The following RIMS1 variants were observed in gnomAD, a reference collection of about 807,000 sequenced individuals.
The protein encoded by RIMS1 is regulating synaptic membrane exocytosis protein 1.
A neutral mutation model predicts 214.1 loss-of-function variants in RIMS1; 83 were observed. The observed-to-expected ratio is 0.39, with a 90% CI of 0.32 to 0.47. The LOEUF is 0.47. RIMS1 is among the 20% of genes least tolerant of loss of function. The probability of loss-of-function intolerance (pLI) is 0.99; values close to 1 mark genes in which losing one functional copy is unlikely to be tolerated. For synonymous variants in RIMS1, 793 were observed against 786.8 expected, an observed-to-expected ratio of 1.01 and a Z score of -0.13; for missense variants, 2,050 against 2,161.8, an observed-to-expected ratio of 0.95 and a Z score of 1.03.
At chr6:72,182,169 C>T (rs1003514673) in intron 5 of RIMS1, 115 bp from the exon 6 acceptor site, 1 of 1,167,662 alleles carries the variant, frequency 8.6e-7, no homozygotes, top group Non-Finnish European at 1.2e-6. Flanking sequence ...AGATCCAAAT[C>T]CCTATAACTA....
intron 1 of RIMS1, among the ~76,000 whole-genome samples, chr6:71,895,673 CAAAAAAAAA>C (rs70994105): frequency 4.7e-5 from 3 of 64,222 alleles, no homozygotes; most frequent in African/African-American, 6.4e-5. Context: ...GACTCCCTCT[CAAAAAAAAA>C]AAAAAAAAAA....
At chr6:72,098,505 G>A (rs796276669) in intron 3 of RIMS1, among the ~76,000 whole-genome samples, 26 of 152,122 alleles carry the variant, frequency 1.7e-4, no homozygotes, top group African/African-American at 6.0e-4. Flanking sequence ...ATGTTGACCA[G>A]GCTGATCTCG....
chr6:71,921,716 A>G (rs1377259547), intron 1 of RIMS1, among the ~76,000 whole-genome samples: 1 of 152,176 alleles, frequency 6.6e-6, no homozygotes, highest in Non-Finnish European at 1.5e-5. Flanking sequence ...TATATATAGC[A>G]TACTTCCTCT....
chr6:72,129,036 T>C (rs2040038764), intron 4 of RIMS1, among the ~76,000 whole-genome samples: 1 of 152,212 alleles, frequency 6.6e-6, no homozygotes, highest in African/African-American at 2.4e-5. Context: ...CTTTAACAAA[T>C]TTTACAGATG....
intron 1 of RIMS1, among the ~76,000 whole-genome samples, chr6:71,887,714 T>A (rs944342276): frequency 6.6e-6 from 1 of 152,208 alleles, no homozygotes; most frequent in Non-Finnish European, 1.5e-5. Context: ...TAATCATTCA[T>A]CTCACAGATC....
At chr6:72,052,769 G>A (rs1562208914) in intron 2 of RIMS1, among the ~76,000 whole-genome samples, 1 of 152,122 alleles carries the variant, frequency 6.6e-6, no homozygotes, top group Non-Finnish European at 1.5e-5. Context: ...CTTCCTTGTT[G>A]ATTTAGTTGT....
intron 2 of RIMS1, among the ~76,000 whole-genome samples, chr6:72,020,531 G>A (rs994053069): frequency 6.6e-6 from 1 of 152,120 alleles, no homozygotes; most frequent in Non-Finnish European, 1.5e-5. Context: ...CTGCCTCCTA[G>A]GGGTCTTCTC....
intron 2 of RIMS1, among the ~76,000 whole-genome samples, chr6:72,057,662 C>T (rs1826677132): frequency 6.6e-6 from 1 of 152,066 alleles, no homozygotes; most frequent in Non-Finnish European, 1.5e-5. Context: ...CGCCCGCCAC[C>T]ACTACTAGCT....
At chr6:72,237,449 AG>A (rs1192982387) in intron 8 of RIMS1, among the ~76,000 whole-genome samples, 3 of 152,054 alleles carry the variant, frequency 2.0e-5, no homozygotes, top group Middle Eastern at 6.3e-3. Flanking sequence ...CCGAGGCAGG[AG>A]GACTGCTTGA....
rs544365527 is a variant in RIMS1 at position 71,956,810 on chromosome 6, C to T, written c.165-12173C>T. 2.0e-4 allele frequency among the ~76,000 whole-genome samples: 30 copies of T among 152,222 alleles called. No individual in the cohort carries two copies. In the South Asian group the frequency reaches 5.8e-3, roughly 29 times the overall value. On this transcript the variant is annotated intron_variant, in intron 1 of 33. Transcript: ENST00000521978. ...CATCTCGTTGCGCGAATGAATGGCT[C>T]ATTCTTCAACAGCAGTTCCCAAACA...
At chr6:72,068,889 C>T (rs937392691) in intron 2 of RIMS1, among the ~76,000 whole-genome samples, 5 of 147,244 alleles carry the variant, frequency 3.4e-5, no homozygotes, top group African/African-American at 1.3e-4. Context: ...CCAGCCTGGG[C>T]GACAGAGCAA....
At chr6:72,002,448 A>C (rs1367059912) in intron 2 of RIMS1, among the ~76,000 whole-genome samples, 1 of 152,182 alleles carries the variant, frequency 6.6e-6, no homozygotes, top group South Asian at 2.1e-4. Context: ...TAGCATCCTA[A>C]AGATAAAATG....
chr6:72,149,561 A>C (rs1232827890), intron 4 of RIMS1, among the ~76,000 whole-genome samples: 2 of 152,172 alleles, frequency 1.3e-5, no homozygotes, highest in Non-Finnish European at 2.9e-5. Flanking sequence ...CCCTCCCCAC[A>C]TCCTGTCCTC....
At chr6:71,974,592 G>A (rs1433081143) in intron 2 of RIMS1, among the ~76,000 whole-genome samples, 1 of 152,162 alleles carries the variant, frequency 6.6e-6, no homozygotes, top group Non-Finnish European at 1.5e-5. Flanking sequence ...AGGAGGTAGA[G>A]AAGATTTGAG....
rs375771440 is a variant in RIMS1 at position 72,307,330 on chromosome 6, C to A, written c.3923C>A (p.Ser1308Tyr). The A allele has an allele frequency of 6.4e-5, 102 of 1,605,094 alleles. No individual in the cohort carries two copies. In the African/African-American group the frequency reaches 1.2e-3, roughly 19 times the overall value. ...CATCGATTTAAGCAGACAACAGGGT[C>A]TGGTTCTAGTCAAGAACTTGATCGC... ...KVHRFKQTTG[S>Y]GSSQELDREQ... Residue 1308 changes from serine to tyrosine, a missense_variant, in exon 27 of 34, where the codon TCT (serine) becomes TAT (tyrosine). Around this residue, in one of 6 missense-constraint regions of RIMS1, gnomAD observed 889 missense variants for 885.5 expected, o/e 1.00. Transcript: ENST00000521978.
At chr6:72,120,085 ACTATTGTGAATAGTGT>A (rs1343780674) in intron 4 of RIMS1, among the ~76,000 whole-genome samples, 1 of 151,850 alleles carries the variant, frequency 6.6e-6, no homozygotes, top group Non-Finnish European at 1.5e-5. Flanking sequence ...CCAAGTCTTT[ACTATTGTGAATAGTGT>A]CCCAATAAAC....
intron 28 of RIMS1, among the ~76,000 whole-genome samples, chr6:72,321,287 G>C (rs1385956528): frequency 6.6e-6 from 1 of 151,896 alleles, no homozygotes; most frequent in Admixed American, 6.6e-5. Flanking sequence ...TATTATTTGT[G>C]ACTCATTTAT....
Position 72,140,736 on chromosome 6 carries a change from C to A in RIMS1, c.472-38839C>A, listed in dbSNP as rs80140893. Among the ~76,000 whole-genome samples, 34 of 152,176 alleles carry A rather than the reference C, an allele frequency of 2.2e-4. 1 individual carries two copies. The East Asian group carries it at 4.2e-3, about 19-fold the overall frequency. ...AAGACATTTGGATTGCATTTCCCAT[C>A]TTCAGATTATCAAGGATTACAGACC... On this transcript the variant is annotated intron_variant, in intron 4 of 33. Coordinates refer to ENST00000521978, the MANE Select transcript of RIMS1 (RefSeq NM_014989.7).
At chr6:72,258,823 G>A (rs561841618) in intron 17 of RIMS1, among the ~76,000 whole-genome samples, 163 bp from the exon 18 acceptor site, 1 of 152,232 alleles carries the variant, frequency 6.6e-6, no homozygotes, top group Non-Finnish European at 1.5e-5. Flanking sequence ...AAAACTCATA[G>A]AAAACAAATA....
Sources: gnomAD v4.1 joint callset for allele counts (sites outside exome capture counted in the v4.1 genomes callset) on GRCh38, gnomAD v4.1.1 for gene constraint, gnomAD v4.1.1 regional missense constraint, MANE v1.5 for transcripts, NCBI Gene and HGNC (gene_info 2026-07-23, HGNC 2026-07-21) for gene names.